The following RBFOX1 variants were observed in gnomAD, a reference collection of about 807,000 sequenced individuals.
RBFOX1 encodes the protein RNA binding protein fox-1 homolog 1.
A neutral mutation model predicts 57.7 loss-of-function variants in RBFOX1; 8 were observed. The ratio of observed to expected loss-of-function variants is 0.14; its 90% CI spans 0.08 to 0.25. The LOEUF (loss-of-function observed/expected upper bound fraction) is 0.25, where lower values mean the gene tolerates loss of function less well. Ranked by LOEUF, RBFOX1 falls within the 10% of genes least tolerant of loss-of-function variation. The probability of loss-of-function intolerance (pLI) is 1.00; values close to 1 mark genes in which losing one functional copy is unlikely to be tolerated. For missense variants in RBFOX1, 611 were observed against 548.5 expected, an observed-to-expected ratio of 1.11 and a Z score of -1.14; for synonymous variants, 326 against 222.4, an observed-to-expected ratio of 1.47 and a Z score of -4.15.
intron 5 of RBFOX1, among the ~76,000 whole-genome samples, chr16:7,563,887 C>T (rs563943281): frequency 2.1e-4 from 32 of 152,308 alleles, no homozygotes; most frequent in African/African-American, 6.7e-4. Flanking sequence ...CAGACACCAA[C>T]CTCCAACCCT....
At chr16:5,713,909 A>G (rs1270051218) in intron 3 of RBFOX1, among the ~76,000 whole-genome samples, 3 of 152,190 alleles carry the variant, frequency 2.0e-5, no homozygotes, top group Non-Finnish European at 4.4e-5. Context: ...CTACGTTGCA[A>G]TCTTCCAGTG....
At chr16:5,910,073 A>T (rs533399188) in intron 4 of RBFOX1, among the ~76,000 whole-genome samples, 1 of 148,846 alleles carries the variant, frequency 6.7e-6, no homozygotes, top group African/African-American at 2.6e-5. Context: ...CAAAAAACAA[A>T]AAAAAAAGAA....
chr16:7,491,080 G>A (rs894545830), intron 4 of RBFOX1, among the ~76,000 whole-genome samples: 2 of 152,008 alleles, frequency 1.3e-5, no homozygotes, highest in Admixed American at 6.6e-5. Context: ...ACTTCTTACC[G>A]TACCTGCACC....
intron 4 of RBFOX1, among the ~76,000 whole-genome samples, chr16:7,408,984 C>T (rs750282580): frequency 3.3e-5 from 5 of 152,138 alleles, no homozygotes; most frequent in African/African-American, 9.7e-5. Context: ...CTTTTTGCAT[C>T]CCCGCCCGTC....
chr16:7,260,899 G>A (rs562882808), intron 4 of RBFOX1, among the ~76,000 whole-genome samples: 1 of 152,168 alleles, frequency 6.6e-6, no homozygotes, highest in African/African-American at 2.4e-5. Context: ...TGCAGTCACT[G>A]GGGTTGGACC....
intron 3 of RBFOX1, among the ~76,000 whole-genome samples, chr16:6,815,750 T>G (rs1437680937): frequency 6.6e-6 from 1 of 152,156 alleles, no homozygotes; most frequent in African/African-American, 2.4e-5. Context: ...CAGCAAAAAG[T>G]CTATAGTTTG....
At chr16:7,266,253 G>C (rs1471892522) in intron 4 of RBFOX1, among the ~76,000 whole-genome samples, 2 of 151,998 alleles carry the variant, frequency 1.3e-5, no homozygotes, top group East Asian at 1.9e-4. Context: ...GGGATTACAG[G>C]TGTGAGCCAC....
At chr16:6,386,484 G>A (rs1221064867) in intron 2 of RBFOX1, among the ~76,000 whole-genome samples, 1 of 152,112 alleles carries the variant, frequency 6.6e-6, no homozygotes, top group Non-Finnish European at 1.5e-5. Context: ...AATTAACCCC[G>A]ATGCTGGGGA....
At chr16:5,502,405 C>T (rs977369427) in intron 2 of RBFOX1, among the ~76,000 whole-genome samples, 1 of 152,156 alleles carries the variant, frequency 6.6e-6, no homozygotes, top group Admixed American at 6.5e-5. Context: ...CCTGATCATT[C>T]TTCCTCGGCT....
chr16:6,979,071 A>G (rs1431647448), intron 3 of RBFOX1, among the ~76,000 whole-genome samples: 2 of 152,224 alleles, frequency 1.3e-5, no homozygotes, highest in African/African-American at 2.4e-5. Flanking sequence ...GAGAATCTGT[A>G]TAAAATAGCA....
intron 1 of RBFOX1, among the ~76,000 whole-genome samples, chr16:6,200,894 T>C (rs1443087909): frequency 2.6e-5 from 4 of 152,152 alleles, no homozygotes; most frequent in African/African-American, 7.2e-5. Flanking sequence ...TTTGTGTATT[T>C]TTATGCAGCT....
intron 2 of RBFOX1, among the ~76,000 whole-genome samples, chr16:6,501,747 G>C (rs1276072911): frequency 1.3e-5 from 2 of 152,170 alleles, no homozygotes; most frequent in South Asian, 2.1e-4. Flanking sequence ...CTGGGTGCCA[G>C]GCACTGCTTT....
intron 3 of RBFOX1, among the ~76,000 whole-genome samples, chr16:6,854,587 A>ATTTTTTTT (rs71147611): frequency 9.9e-5 from 7 of 70,638 alleles, no homozygotes; most frequent in Admixed American, 3.9e-4. Context: ...GGAGAGGTGA[A>ATTTTTTTT]TTTTTTTTTT....
Position 5,947,079 on chromosome 16 carries a change from T to C in RBFOX1, c.351+79744T>C, listed in dbSNP as rs765225821. Among the ~76,000 whole-genome samples, 17 of 152,060 alleles carry C rather than the reference T, an allele frequency of 1.1e-4. No individual in the cohort carries two copies. Among genetic ancestry groups the C allele is most frequent in the Admixed American group, 3.3e-4 (5 of 15,260 alleles). ...AAAGTGAAAATAAAATCATCCCATGTGGTTGTGCATACTGTAGTCCCAGAT... is the reference window on the plus strand; with the variant it reads ...AAAGTGAAAATAAAATCATCCCATGCGGTTGTGCATACTGTAGTCCCAGAT... On this transcript the variant is annotated intron_variant, in intron 4 of 19. Coordinates refer to the RBFOX1 transcript ENST00000641259. The surrounding 1 kb of genome is among the most constrained non-coding windows in gnomAD (Gnocchi z 7.2).
At chr16:5,362,655 C>T (rs2065587202) in intron 1 of RBFOX1, among the ~76,000 whole-genome samples, 1 of 152,068 alleles carries the variant, frequency 6.6e-6, no homozygotes, top group South Asian at 2.1e-4. Flanking sequence ...AGCCACCGCG[C>T]CAGGCCACAT....
At chr16:5,897,553 G>C (rs1329809513) in intron 4 of RBFOX1, among the ~76,000 whole-genome samples, 1 of 152,236 alleles carries the variant, frequency 6.6e-6, no homozygotes, top group Non-Finnish European at 1.5e-5. Flanking sequence ...GATGACCCCC[G>C]GGGTTTGCTC....
intron 1 of RBFOX1, among the ~76,000 whole-genome samples, chr16:6,040,279 G>T (rs187858264): frequency 1.3e-5 from 2 of 152,110 alleles, no homozygotes; most frequent in African/African-American, 4.8e-5. Context: ...ATATTGTTGC[G>T]CAAGCAACAC....
intron 2 of RBFOX1, among the ~76,000 whole-genome samples, chr16:5,519,882 A>T (rs2043944283): frequency 6.6e-6 from 1 of 152,212 alleles, no homozygotes. Flanking sequence ...TTCATTCAAT[A>T]ATTCTTTATT....
intron 3 of RBFOX1, among the ~76,000 whole-genome samples, chr16:5,710,608 G>A (rs1322717966): frequency 6.6e-6 from 1 of 152,230 alleles, no homozygotes; most frequent in African/African-American, 2.4e-5. Context: ...GATTGTTGTG[G>A]TTGGGGAGGG....
Sources: gnomAD v4.1 joint callset for allele counts (sites outside exome capture counted in the v4.1 genomes callset) on GRCh38, gnomAD v4.1.1 for gene constraint, Gnocchi (gnomAD v3.1) non-coding constraint, MANE v1.5 for transcripts, NCBI Gene and HGNC (gene_info 2026-07-23, HGNC 2026-07-21) for gene names.